Variants in ST8SIA5 observed in about 807,000 individuals in gnomAD.
ST8SIA5 encodes the protein ST8 alpha-N-acetyl-neuraminide alpha-2,8-sialyltransferase 5.
Under a neutral mutation model 40.2 loss-of-function variants are expected in ST8SIA5, and 24 were observed. The observed-to-expected ratio is 0.60, with a 90% CI of 0.43 to 0.84. ST8SIA5 has a LOEUF of 0.84. ST8SIA5 is among the 40% of genes least tolerant of loss of function. The pLI is 0.00. For synonymous variants in ST8SIA5, 198 were observed against 201.8 expected (o/e 0.98, Z 0.16); for missense variants, 465 against 498.5 (o/e 0.93, Z 0.64).
rs144572059 is a variant in ST8SIA5, at chr18:46,711,720, G to A, written c.132-7056C>T. On this transcript the variant is annotated intron_variant, in intron 1 of 6. Coordinates refer to ENST00000315087, the MANE Select transcript of ST8SIA5 (RefSeq NM_013305.6). Reference sequence around the variant, plus strand: ...AGTGTCTTCCCAGATAGGTAGGAGAGAGGCAAGAACAGCTCAGCTGTTAAC... The same window carrying A: ...AGTGTCTTCCCAGATAGGTAGGAGAAAGGCAAGAACAGCTCAGCTGTTAAC... Among the ~76,000 whole-genome samples, 37 of 152,316 alleles carry A rather than the reference G, an allele frequency of 2.4e-4. No homozygotes were observed. The East Asian group carries it at 5.4e-3, about 22-fold the overall frequency.
At position 46,679,222 on chromosome 18, in the gene ST8SIA5, C is replaced by T. The variant is rs1459466665; in HGVS notation, c.*820G>A. 6.6e-6 allele frequency: 1 copy of T among 152,262 alleles called. No homozygotes were observed. Among genetic ancestry groups the T allele is most frequent in the African/African-American group, 2.4e-5 (1 of 41,466 alleles). The allele number at this position is 152,262 out of a possible 1,614,324, so 9.4% of individuals were successfully genotyped here. On this transcript the variant is annotated 3_prime_UTR_variant, in exon 7 of 7. Coordinates refer to ENST00000315087, the MANE Select transcript of ST8SIA5 (RefSeq NM_013305.6). ...TGCTAAGCACTTATTGAGTCAATAACATTGGCTTGGAAGCCATAGTGCAAG... is the reference window on the plus strand; with the variant it reads ...TGCTAAGCACTTATTGAGTCAATAATATTGGCTTGGAAGCCATAGTGCAAG...
chr18:46,698,460 C>T (rs565506919), intron 2 of ST8SIA5, among the ~76,000 whole-genome samples: 1 of 152,226 alleles, frequency 6.6e-6, no homozygotes, highest in East Asian at 1.9e-4. Context: ...AACGATCCAA[C>T]AACCCACCAC....
chr18:46,740,796 G>A (rs1423062630), intron 1 of ST8SIA5, among the ~76,000 whole-genome samples: 2 of 152,098 alleles, frequency 1.3e-5, no homozygotes, highest in African/African-American at 4.8e-5. Context: ...ATAGCCCCTG[G>A]TAACAGTATC....
chr18:46,743,760 T>C (rs1326757938), intron 1 of ST8SIA5, among the ~76,000 whole-genome samples: 4 of 152,018 alleles, frequency 2.6e-5, no homozygotes. Flanking sequence ...AGACACATAA[T>C]TGTCAGATTC....
At chr18:46,713,106 C>A (rs188137420) in intron 1 of ST8SIA5, among the ~76,000 whole-genome samples, 2 of 152,006 alleles carry the variant, frequency 1.3e-5, no homozygotes, top group African/African-American at 4.8e-5. Context: ...GGCAGAGGAA[C>A]AACGTGATCT....
intron 1 of ST8SIA5, 60 bp downstream of exon 1, chr18:46,756,318 G>A: frequency 6.3e-7 from 1 of 1,596,532 alleles, no homozygotes; most frequent in Non-Finnish European, 8.6e-7. Flanking sequence ...CGCGGCCACT[G>A]CCACCCGGGG....
chr18:46,708,907 C>T (rs2039695136), intron 1 of ST8SIA5, among the ~76,000 whole-genome samples: 1 of 152,144 alleles, frequency 6.6e-6, no homozygotes. Flanking sequence ...TAAAACAAAT[C>T]CCAGGCACCC....
intron 2 of ST8SIA5, among the ~76,000 whole-genome samples, chr18:46,693,557 C>A (rs753683938): frequency 2.0e-5 from 3 of 152,122 alleles, no homozygotes; most frequent in African/African-American, 4.8e-5. Context: ...CCGAAACCTG[C>A]AAAAAGAACT....
intron 4 of ST8SIA5, 71 bp downstream of exon 4, chr18:46,688,704 C>T: frequency 6.5e-7 from 1 of 1,542,952 alleles, no homozygotes; most frequent in Non-Finnish European, 8.8e-7. Flanking sequence ...ACCCCAGGGA[C>T]ATTGCCACGG....
At chr18:46,733,474 C>G (rs986562078) in intron 1 of ST8SIA5, among the ~76,000 whole-genome samples, 1 of 152,170 alleles carries the variant, frequency 6.6e-6, no homozygotes, top group African/African-American at 2.4e-5. Context: ...CAACAGCGAG[C>G]AAGCCACCAA....
At chr18:46,704,743 G>A (rs2039653398) in intron 1 of ST8SIA5, 79 bp from the exon 2 acceptor site, 1 of 1,180,670 alleles carries the variant, frequency 8.5e-7, no homozygotes, top group Admixed American at 1.7e-5. Context: ...GTTGCAGGGT[G>A]GAGTGTCTGT....
chr18:46,734,314 G>A (rs1057185484), intron 1 of ST8SIA5, among the ~76,000 whole-genome samples: 5 of 152,132 alleles, frequency 3.3e-5, no homozygotes, highest in African/African-American at 9.7e-5. Context: ...TTTCATTGGA[G>A]GCAAAAGAAA....
At chr18:46,722,567 C>T (rs558196711) in intron 1 of ST8SIA5, among the ~76,000 whole-genome samples, 16 of 152,122 alleles carry the variant, frequency 1.1e-4, no homozygotes, top group Non-Finnish European at 1.8e-4. Flanking sequence ...GGTTGGTGCC[C>T]GCTTAATTGC....
intron 2 of ST8SIA5, among the ~76,000 whole-genome samples, chr18:46,701,347 G>A (rs537177313): frequency 1.3e-5 from 2 of 151,926 alleles, no homozygotes; most frequent in African/African-American, 4.8e-5. Flanking sequence ...CACCATGTTG[G>A]CCAGGCTGGT....
At chr18:46,693,602 A>T (rs796233701) in intron 2 of ST8SIA5, among the ~76,000 whole-genome samples, 15 of 152,374 alleles carry the variant, frequency 9.8e-5, no homozygotes, top group African/African-American at 3.6e-4. Flanking sequence ...CGACTTATTT[A>T]TAATTATGCA....
chr18:46,753,079 T>G (rs887450014), intron 1 of ST8SIA5, among the ~76,000 whole-genome samples: 4 of 152,230 alleles, frequency 2.6e-5, no homozygotes, highest in African/African-American at 9.6e-5. Flanking sequence ...AGTGACCCAC[T>G]GTTACATCTG....
In ST8SIA5 at chr18:46,674,201, A is replaced by G. The variant is rs1237788655; in HGVS notation, c.*5841T>C. On this transcript the variant is annotated 3_prime_UTR_variant, in exon 7 of 7. Transcript: ENST00000315087. ...CTGACATGTTTGTGTGGCTTTGAGG[A>G]AGGGAAGAAGTAGACAACAAGAAAC... The G allele has an allele frequency of 6.6e-6, 1 of 152,186 alleles. No homozygotes were observed. The highest frequency in any genetic ancestry group is 2.4e-5 in the African/African-American group (1 of 41,448). The allele number at this position is 152,186 out of a possible 1,614,324, so 9.4% of individuals were successfully genotyped here.
In ST8SIA5 at chr18:46,670,956, A is replaced by G. The variant is rs2039305426; in HGVS notation, c.*9086T>C. The G allele has an allele frequency of 6.6e-6, 1 of 152,192 alleles. No homozygotes were observed. The highest frequency in any genetic ancestry group is 1.5e-5 in the Non-Finnish European group (1 of 68,034). The allele number at this position is 152,192 out of a possible 1,614,324, so 9.4% of individuals were successfully genotyped here. On this transcript the variant is annotated 3_prime_UTR_variant, in exon 7 of 7. Coordinates refer to ENST00000315087, the MANE Select transcript of ST8SIA5 (RefSeq NM_013305.6). Reference sequence around the variant, plus strand: ...TTAAAATCAAAGCAAATGCCGTGAGATATGTGATATTAGCAAAATGGTTGG... The same window carrying G: ...TTAAAATCAAAGCAAATGCCGTGAGGTATGTGATATTAGCAAAATGGTTGG...
chr18:46,680,555 C>T, intron 6 of ST8SIA5, 45 bp from the exon 7 acceptor site: 1 of 1,499,936 alleles, frequency 6.7e-7, no homozygotes, highest in Non-Finnish European at 8.9e-7. Context: ...TCCTCCGTGC[C>T]CTCAGGCCCC....
Sources: gnomAD v4.1 joint callset for allele counts (sites outside exome capture counted in the v4.1 genomes callset) on GRCh38, gnomAD v4.1.1 for gene constraint, MANE v1.5 for transcripts, NCBI Gene and HGNC (gene_info 2026-07-23, HGNC 2026-07-21) for gene names.